TROAP: variants seen among roughly 807,000 people sequenced by gnomAD.
The protein encoded by TROAP is tastin.
Under a neutral mutation model 83.4 loss-of-function variants are expected in TROAP, and 62 were observed. The ratio of observed to expected loss-of-function variants is 0.74; its 90% CI spans 0.61 to 0.92. TROAP has a LOEUF of 0.92. Among genes scored for constraint, TROAP ranks in the 40% least tolerant of loss-of-function variants. The probability of loss-of-function intolerance (pLI) is 0.00; values close to 1 mark genes in which losing one functional copy is unlikely to be tolerated. For synonymous variants in TROAP, 352 were observed against 386.4 expected (o/e 0.91, Z 1.04); for missense variants, 876 against 985.1 (o/e 0.89, Z 1.48).
intron 6 of TROAP, among the ~76,000 whole-genome samples, chr12:49,326,397 A>C (rs1943501478): frequency 6.6e-6 from 1 of 152,136 alleles, no homozygotes; most frequent in Non-Finnish European, 1.5e-5. Context: ...GGGAGGACAG[A>C]AATGTGCTAT....
At chr12:49,324,508 G>A (rs1422044442) in intron 3 of TROAP, 2 of 248,130 alleles carry the variant, frequency 8.1e-6, no homozygotes, top group Non-Finnish European at 1.5e-5. Flanking sequence ...ATAGTTTGAT[G>A]ATAGCCTCTT....
rs902213372 is a variant in TROAP, at chr12:49,326,657, A to C, written c.717-11A>C. On this transcript the variant is annotated splice_polypyrimidine_tract_variant and intron_variant, in intron 6 of 14. Coordinates refer to ENST00000257909, the MANE Select transcript of TROAP (RefSeq NM_005480.4). ...TCAGTGACTGCTGGCTAATGTCCTT[A>C]TTGTCATCAGGACTTCAGTGAGCCA... The C allele has an allele frequency of 3.9e-5, 61 of 1,554,670 alleles. No homozygotes were observed. Among genetic ancestry groups the C allele is most frequent in the Non-Finnish European group, 5.0e-5 (57 of 1,148,244 alleles).
rs765893038 is a variant in TROAP, at chr12:49,329,103, G to A, written c.1020+48G>A. The A allele has an allele frequency of 8.1e-6, 13 of 1,613,886 alleles. No individual in the cohort carries two copies. The highest frequency in any genetic ancestry group is 6.7e-5 in the African/African-American group (5 of 74,886). On this transcript the variant is annotated intron_variant, in intron 9 of 14. Coordinates refer to ENST00000257909, the MANE Select transcript of TROAP (RefSeq NM_005480.4). The surrounding 1 kb of genome is among the most constrained non-coding windows in gnomAD (Gnocchi z 4.5). Reference sequence around the variant, plus strand: ...TGGGCAGGGGCAGAACAGTCTGGCCGGAGATCCTTGCTATGTCTGGGTTTT... The same window carrying A: ...TGGGCAGGGGCAGAACAGTCTGGCCAGAGATCCTTGCTATGTCTGGGTTTT...
rs1014250201 is a variant in TROAP, at chr12:49,326,851, GAGA to G, written c.769+134_769+136del. On this transcript the variant is annotated intron_variant, in intron 7 of 14. Transcript: ENST00000257909. Reference sequence around the variant, plus strand: ...GGAGGCCGGGAGGCTAGGTCAGAAGGAGAAGGAGAAGAGACCTTCTAGATAGGC... The same window carrying G: ...GGAGGCCGGGAGGCTAGGTCAGAAGGAGGAGAAGAGACCTTCTAGATAGGC... The G allele has an allele frequency of 1.0e-5, 10 of 991,104 alleles. No homozygotes were observed. In the African/African-American group the frequency reaches 1.3e-4, roughly 13 times the overall value. 61.4% of individuals were successfully genotyped at this position (991,104 alleles called of 1,614,324 possible). A position where few individuals can be genotyped will look rare whatever the true frequency, so the allele number is the denominator to read the frequency against.
At chr12:49,326,234 G>T in intron 6 of TROAP, 76 bp downstream of exon 6, 2 of 1,474,132 alleles carry the variant, frequency 1.4e-6, no homozygotes, top group East Asian at 2.3e-5. Flanking sequence ...GTCCCCCAGA[G>T]TTGGGGCCTT....
rs1407414633 is a variant in TROAP, at chr12:49,323,330, C to T, written c.-25C>T. 7.3e-6 allele frequency: 3 copies of T among 411,384 alleles called. No homozygotes were observed. Among genetic ancestry groups the T allele is most frequent in the Admixed American group, 7.9e-5 (2 of 25,246 alleles). The allele number at this position is 411,384 out of a possible 1,614,324, so 25.5% of individuals were successfully genotyped here. ...AGAAAAGCGGAGGAAGCTGGGTAGG[C>T]CCTGAGGGGCCTCGGTAAGGTAAGG... On this transcript the variant is annotated 5_prime_UTR_variant, in exon 1 of 15. Coordinates refer to ENST00000257909, the MANE Select transcript of TROAP (RefSeq NM_005480.4).
chr12:49,330,679 G>T lies in TROAP; in HGVS notation c.1834G>T (p.Glu612Ter). The change falls in exon 13 of 15, where the codon GAG becomes TAG. Residue 612 changes from glutamate to a stop codon, truncating the protein, a stop_gained. Coordinates refer to ENST00000257909, the MANE Select transcript of TROAP (RefSeq NM_005480.4). LOFTEE classifies it high-confidence loss of function. ...SSRQEQLEVP[E>*]PCPPAEPGPL... ...TCGCCAGGAACAGCTTGAGGTACCT[G>T]AGCCCTGCCCTCCAGCAGAACCCGG... The T allele has an allele frequency of 1.2e-6, 2 of 1,613,822 alleles. No individual in the cohort carries two copies. The highest frequency in any genetic ancestry group is 1.7e-6 in the Non-Finnish European group (2 of 1,179,938).
chr12:49,327,393 C>T, intron 8 of TROAP, 63 bp downstream of exon 8: 1 of 1,588,744 alleles, frequency 6.3e-7, no homozygotes. Flanking sequence ...AAGAATTTTG[C>T]TGCAGCAGCC....
In TROAP at chr12:49,331,359, G is replaced by T; in HGVS notation, c.2244G>T (p.Arg748=). ...TSRAPPSGPT[R]VCTNPVATLL... is the part of the protein sequence containing the mutation. ...GAGCCCCTCCCTCAGGCCCCACCCGGGTCTGCACCAACCCTGTGGCTACAT... is the reference window on the plus strand; with the variant it reads ...GAGCCCCTCCCTCAGGCCCCACCCGTGTCTGCACCAACCCTGTGGCTACAT... The change falls in exon 14 of 15, where the codon CGG becomes CGT. Residue 748 remains arginine, a synonymous_variant. Coordinates refer to ENST00000257909, the MANE Select transcript of TROAP (RefSeq NM_005480.4). 1 of 1,614,164 alleles carries T rather than the reference G, an allele frequency of 6.2e-7. No homozygotes were observed. Among genetic ancestry groups the T allele is most frequent in the Non-Finnish European group, 8.5e-7 (1 of 1,180,014 alleles).
chr12:49,329,684 G>A lies in TROAP; in HGVS notation c.1165-173G>A, dbSNP rs1341059585. The A allele has an allele frequency of 8.8e-7, 1 of 1,132,686 alleles. No homozygotes were observed. Among genetic ancestry groups the A allele is most frequent in the Non-Finnish European group, 1.3e-6 (1 of 789,336 alleles). 70.2% of individuals were successfully genotyped at this position (1,132,686 alleles called of 1,614,324 possible). ...CCACTAAAATTTTAAAAATTAGAAAGTGCTCTCTGGAAAAGCTGCCTAACT... is the reference window on the plus strand; with the variant it reads ...CCACTAAAATTTTAAAAATTAGAAAATGCTCTCTGGAAAAGCTGCCTAACT... On this transcript the variant is annotated intron_variant, in intron 11 of 14. Transcript: ENST00000257909. The surrounding 1 kb of genome is among the most constrained non-coding windows in gnomAD (Gnocchi z 4.5).
chr12:49,323,837 T>C lies in TROAP; in HGVS notation c.145-8T>C. 1 of 1,613,838 alleles carries C rather than the reference T, an allele frequency of 6.2e-7. No individual in the cohort carries two copies. The highest frequency in any genetic ancestry group is 1.3e-5 in the African/African-American group (1 of 74,988). The stretch of plus-strand genomic sequence containing the variant: ...ACCTCACCTTTTTGTCCCCGCTCCC[T>C]CCCCTAGAGATGGGTGCAGAAACCA... On this transcript the variant is annotated splice_polypyrimidine_tract_variant and splice_region_variant and intron_variant, in intron 2 of 14. Coordinates refer to ENST00000257909, the MANE Select transcript of TROAP (RefSeq NM_005480.4).
intron 2 of TROAP, 23 bp downstream of exon 2, chr12:49,323,775 A>G (rs1466885271): frequency 6.2e-7 from 1 of 1,614,114 alleles, no homozygotes; most frequent in South Asian, 1.1e-5. Flanking sequence ...TAATGGGGGA[A>G]GACAGTAGTC....
rs1943570690 is a variant in TROAP at position 49,330,896 on chromosome 12, C to T, written c.2051C>T (p.Pro684Leu). Residue 684 changes from proline (P) to leucine (L), a missense_variant, in exon 13 of 15, where the codon CCC becomes CTC. This residue lies in a region of TROAP where 184 missense variants were observed against 238.3 expected (regional missense o/e 0.77). Coordinates refer to ENST00000257909, the MANE Select transcript of TROAP (RefSeq NM_005480.4). ...TCCCAACACCCGCTTTGTGCCAGCCCCCCTATCTGCTCACTCCAGTCTTTG... is the reference window on the plus strand; with the variant it reads ...TCCCAACACCCGCTTTGTGCCAGCCTCCCTATCTGCTCACTCCAGTCTTTG... ...FSSQHPLCAS[P>L]PICSLQSLRP... 1.2e-6 allele frequency: 2 copies of T among 1,612,680 alleles called. No individual in the cohort carries two copies. The highest frequency in any genetic ancestry group is 1.1e-5 in the South Asian group (1 of 91,086).
chr12:49,329,198 C>A lies in TROAP; in HGVS notation c.1058C>A (p.Pro353His). 6.2e-7 allele frequency: 1 copy of A among 1,614,174 alleles called. No homozygotes were observed. Residue 353 changes from proline to histidine, a missense_variant, in exon 10 of 15, where the codon CCT (proline) becomes CAT (histidine). Physicochemically the swap from Pro to His is moderately conservative, Grantham distance 77. Coordinates refer to ENST00000257909, the MANE Select transcript of TROAP (RefSeq NM_005480.4). This position sits in a 1 kb window ranked among gnomAD's most constrained non-coding sequence, Gnocchi z 4.5. ...GTGTTGCGGCGTCTCACCGTTCAAC[C>A]TAAAACCCGGTTCACACCCATGCCA... ...YSVLRRLTVQPKTRFTPMPST... is the reference protein window; with the variant it reads ...YSVLRRLTVQHKTRFTPMPST...
In TROAP at chr12:49,325,591, G is replaced by A. The variant is rs371196627; in HGVS notation, c.428G>A (p.Arg143His). The A allele has an allele frequency of 1.3e-5, 21 of 1,613,960 alleles. No homozygotes were observed. The highest frequency in any genetic ancestry group is 1.6e-4 in the Middle Eastern group (1 of 6,062). The change falls in exon 4 of 15, where the codon CGC becomes CAC. Residue 143 changes from arginine (R) to histidine (H), a missense_variant. Physicochemically the swap from Arg to His is conservative, Grantham distance 29. Around this residue, in one of 3 missense-constraint regions of TROAP, gnomAD observed 689 missense variants for 722.6 expected, o/e 0.95. Coordinates refer to ENST00000257909, the MANE Select transcript of TROAP (RefSeq NM_005480.4). Reference protein sequence around the residue: ...GEGVKSCHLGRQPSLAKRVLV... With the variant: ...GEGVKSCHLGHQPSLAKRVLV... ...GGTGTGAAGAGCTGTCACCTGGGGC[G>A]CCAGCCTAGTCTGGCTAAAAGAGTA...
chr12:49,323,773 G>A (rs1442500031), intron 2 of TROAP, 21 bp downstream of exon 2: 2 of 1,613,952 alleles, frequency 1.2e-6, no homozygotes, highest in African/African-American at 1.3e-5. Flanking sequence ...CCTAATGGGG[G>A]AAGACAGTAG....
Position 49,330,556 on chromosome 12 carries a change from C to G in TROAP, c.1711C>G (p.Arg571Gly). Reference sequence around the variant, plus strand: ...TGAGCCTGAGATACCGGAGTCCTCTCGCCAGGAACAGCTTGAGGTACCTGA... The same window carrying G: ...TGAGCCTGAGATACCGGAGTCCTCTGGCCAGGAACAGCTTGAGGTACCTGA... ...RSEPEIPESS[R>G]QEQLEVPEPC... Residue 571 changes from arginine (R) to glycine (G), a missense_variant, in exon 13 of 15, where the codon CGC becomes GGC. By Grantham distance (125) the Arg-to-Gly change is moderately radical (BLOSUM62 -2). Transcript: ENST00000257909. The G allele has an allele frequency of 6.2e-7, 1 of 1,613,564 alleles. No homozygotes were observed. The highest frequency in any genetic ancestry group is 8.5e-7 in the Non-Finnish European group (1 of 1,179,712).
rs746454558 is a variant in TROAP, at chr12:49,327,253, G to C, written c.814G>C (p.Asp272His). 5 of 1,614,086 alleles carry C rather than the reference G, an allele frequency of 3.1e-6. No individual in the cohort carries two copies. The highest frequency in any genetic ancestry group is 1.1e-5 in the South Asian group (1 of 91,088). ...KGEREVVTHSDEGGVASLGLA... is the reference protein window; with the variant it reads ...KGEREVVTHSHEGGVASLGLA... Reference sequence around the variant, plus strand: ...AGAACGCGAGGTTGTCACTCACTCAGATGAAGGAGGTGTGGCCTCTCTTGG... The same window carrying C: ...AGAACGCGAGGTTGTCACTCACTCACATGAAGGAGGTGTGGCCTCTCTTGG... Residue 272 changes from aspartate (D) to histidine (H), a missense_variant, in exon 8 of 15, where the codon GAT (aspartate) becomes CAT (histidine). Around this residue, in one of 3 missense-constraint regions of TROAP, gnomAD observed 689 missense variants for 722.6 expected, o/e 0.95. Coordinates refer to ENST00000257909, the MANE Select transcript of TROAP (RefSeq NM_005480.4).
At position 49,331,230 on chromosome 12, in the gene TROAP, C is replaced by A; in HGVS notation, c.2115C>A (p.Ala705=). 4 of 1,614,190 alleles carry A rather than the reference C, an allele frequency of 2.5e-6. No homozygotes were observed. Among genetic ancestry groups the A allele is most frequent in the Non-Finnish European group, 3.4e-6 (4 of 1,180,030 alleles). ...GCCCCTCAGGCCTCAGCAATCTGGC[C>A]CCTCGAACCCTAGCCCTGAGGGAGC... The part of the protein sequence containing the change: ...PAGQAGLSNL[A]PRTLALRERL... Residue 705 remains alanine, a synonymous_variant, in exon 14 of 15, where the codon GCC becomes GCA. Transcript: ENST00000257909.
Sources: allele counts gnomAD v4.1 joint callset (sites outside exome capture counted in the v4.1 genomes callset), GRCh38; gene constraint gnomAD v4.1.1; regional missense constraint gnomAD v4.1.1; non-coding constraint Gnocchi (gnomAD v3.1); transcripts MANE v1.5; gene names NCBI Gene and HGNC (gene_info 2026-07-23, HGNC 2026-07-21).